Variants in ZNF609 observed in about 807,000 individuals in gnomAD.
The protein encoded by ZNF609 is zinc finger protein 609.
Under a neutral mutation model 109.5 loss-of-function variants are expected in ZNF609, and 11 were observed. The ratio of observed to expected loss-of-function variants is 0.10; its 90% confidence interval spans 0.06 to 0.17. The LOEUF (loss-of-function observed/expected upper bound fraction) is 0.17. ZNF609 is among the 10% of genes least tolerant of loss of function. The pLI is 1.00. For missense variants in ZNF609, 1,559 were observed against 1,772.4 expected, an observed-to-expected ratio of 0.88 and a Z score of 2.16; for synonymous variants, 646 against 662.0, an observed-to-expected ratio of 0.98 and a Z score of 0.37.
rs781265640 is a variant in ZNF609, at chr15:64,567,032, G to A, written c.748-55795G>A. Among the ~76,000 whole-genome samples the A allele has an allele frequency of 2.5e-4, 38 of 152,168 alleles. 1 individual carries two copies. Among genetic ancestry groups the A allele is most frequent in the Non-Finnish European group, 4.4e-4 (30 of 68,026 alleles). On this transcript the variant is annotated intron_variant, in intron 2 of 9. Coordinates refer to ENST00000326648, the MANE Select transcript of ZNF609 (RefSeq NM_015042.2). ...ATCAAAAACTCTGTAGAGTATATGA[G>A]TTTCGCCTATTAGGCAGTTATAAGG...
chr15:64,511,163 CAG>C (rs1893722162), intron 2 of ZNF609, among the ~76,000 whole-genome samples: 1 of 151,552 alleles, frequency 6.6e-6, no homozygotes, highest in Non-Finnish European at 1.5e-5. Flanking sequence ...TGAAAGACAA[CAG>C]AGTGTTGTAG....
intron 1 of ZNF609, chr15:64,470,485 C>T (rs1030215680): frequency 2.0e-5 from 3 of 152,058 alleles, no homozygotes; most frequent in African/African-American, 7.2e-5. Flanking sequence ...CAGGAACTTT[C>T]AGATTGAGAG....
chr15:64,530,804 A>G (rs1387881452), intron 2 of ZNF609, among the ~76,000 whole-genome samples: 1 of 152,216 alleles, frequency 6.6e-6, no homozygotes, highest in Non-Finnish European at 1.5e-5. Flanking sequence ...TGAGTTTTCT[A>G]TTAAAGTATA....
upstream of ZNF609, among the ~76,000 whole-genome samples, chr15:64,460,149 T>C (rs1892915522): frequency 6.6e-6 from 1 of 152,102 alleles, no homozygotes; most frequent in South Asian, 2.1e-4. Context: ...ATTGCTCTTC[T>C]GTTCTTTGTG....
chr15:64,472,245 G>A lies in ZNF609; in HGVS notation c.-128+11407G>A, dbSNP rs548048566. On this transcript the variant is annotated intron_variant, in intron 1 of 9. Coordinates refer to ENST00000326648, the MANE Select transcript of ZNF609 (RefSeq NM_015042.2). The stretch of plus-strand genomic sequence containing the variant: ...AGTTTTTATAGATGGTTTAAAAAAA[G>A]TGTGAAGTGCAGCATGGGGGTTGGA... Among the ~76,000 whole-genome samples the A allele has an allele frequency of 2.0e-5, 3 of 152,340 alleles. No homozygotes were observed. In the East Asian group the frequency reaches 5.8e-4, roughly 29 times the overall value.
At chr15:64,668,141 A>T (rs1382741026) in intron 3 of ZNF609, among the ~76,000 whole-genome samples, 1 of 152,220 alleles carries the variant, frequency 6.6e-6, no homozygotes, top group Non-Finnish European at 1.5e-5. Context: ...AGTAATAACA[A>T]AGACATTCCA....
rs368575061 is a variant in ZNF609, at chr15:64,675,949, G to A, written c.3095G>A (p.Arg1032Gln). The A allele has an allele frequency of 1.2e-5, 20 of 1,614,072 alleles. No individual in the cohort carries two copies. The African/African-American group carries it at 1.9e-4, about 15-fold the overall frequency. ...AAGGCAGAGATGGGCCTGAAGGAGC[G>A]GGAGGCAGCACTCAAGGAAGAGTGG... ...DKKAEMGLKE[R>Q]EAALKEEWKQ... Residue 1032 changes from arginine to glutamine, a missense_variant, in exon 5 of 10, where the codon CGG becomes CAG. Arg to Gln is a conservative substitution (Grantham distance 43). Around this residue, in one of 4 missense-constraint regions of ZNF609, gnomAD observed 1,204 missense variants for 1,314.1 expected, o/e 0.92. Transcript: ENST00000326648.
intron 3 of ZNF609, chr15:64,632,056 G>T (rs1896090046): frequency 6.6e-6 from 1 of 152,152 alleles, no homozygotes; most frequent in Non-Finnish European, 1.5e-5. Flanking sequence ...TTGAGACAGG[G>T]TCTTGTTCTT....
intron 3 of ZNF609, chr15:64,631,201 G>A: frequency 1.6e-6 from 1 of 623,330 alleles, no homozygotes; most frequent in South Asian, 1.4e-5. Flanking sequence ...AGAGGCTGCT[G>A]CTTCAGGTGA....
At chr15:64,627,819 C>T (rs1387188076) in intron 3 of ZNF609, among the ~76,000 whole-genome samples, 8 of 150,860 alleles carry the variant, frequency 5.3e-5, no homozygotes, top group Admixed American at 4.0e-4. Flanking sequence ...AGGCATGTGC[C>T]GCCGTACTCA....
chr15:64,603,025 G>A (rs1001444425), intron 2 of ZNF609, among the ~76,000 whole-genome samples: 7 of 150,330 alleles, frequency 4.7e-5, no homozygotes, highest in African/African-American at 1.7e-4. Flanking sequence ...GATTACAGGC[G>A]TGAGCTGCCG....
In ZNF609 at chr15:64,681,370, C is replaced by A. The variant is rs751899292; in HGVS notation, c.4224C>A (p.Pro1408=). Residue 1408 remains proline (P), a synonymous_variant, in exon 9 of 10, where the codon CCC becomes CCA. Coordinates refer to ENST00000326648, the MANE Select transcript of ZNF609 (RefSeq NM_015042.2). The part of the protein sequence containing the change: ...QQGSTPSLYP[P]PRR Reference sequence around the variant, plus strand: ...GCTCAACTCCCTCACTCTACCCACCCCCCAGGAGGTGAGAATGGTAAGTCA... The same window carrying A: ...GCTCAACTCCCTCACTCTACCCACCACCCAGGAGGTGAGAATGGTAAGTCA... 8.1e-6 allele frequency: 13 copies of A among 1,613,882 alleles called. No homozygotes were observed. In the Admixed American group the frequency reaches 1.5e-4, roughly 19 times the overall value.
intron 3 of ZNF609, among the ~76,000 whole-genome samples, chr15:64,633,924 A>T (rs1162839015): frequency 3.3e-5 from 5 of 151,988 alleles, no homozygotes; most frequent in Admixed American, 3.3e-4. Flanking sequence ...TACCAATCTC[A>T]TGCCTCGTAT....
rs115867722 is a variant in ZNF609, at chr15:64,597,811, T to C, written c.748-25016T>C. Among the ~76,000 whole-genome samples, 1,067 of 152,276 alleles carry C rather than the reference T, an allele frequency of 7.0e-3. 12 individuals are homozygous for C. Among genetic ancestry groups the C allele is most frequent in the African/African-American group, 0.019 (776 of 41,556 alleles). ...ATCCCCAGCTCACAGGACCACCCAG[T>C]GACCTGTGCAGTGGATCTTCTGACT... On this transcript the variant is annotated intron_variant, in intron 2 of 9. Coordinates refer to ENST00000326648, the MANE Select transcript of ZNF609 (RefSeq NM_015042.2).
At chr15:64,473,552 T>G (rs1269530274) in intron 1 of ZNF609, among the ~76,000 whole-genome samples, 5 of 151,814 alleles carry the variant, frequency 3.3e-5, no homozygotes, top group Admixed American at 1.3e-4. Context: ...TTCACCAAAT[T>G]ACGTATCTAA....
chr15:64,488,758 T>C (rs995930401), intron 1 of ZNF609, among the ~76,000 whole-genome samples: 4 of 152,144 alleles, frequency 2.6e-5, no homozygotes, highest in Admixed American at 1.3e-4. Flanking sequence ...AAATGTTTTT[T>C]CCTTTCCCTG....
At chr15:64,544,376 G>A (rs1188807554) in intron 2 of ZNF609, among the ~76,000 whole-genome samples, 2 of 152,138 alleles carry the variant, frequency 1.3e-5, no homozygotes, top group African/African-American at 2.4e-5. Flanking sequence ...ACTCATTTAA[G>A]TAATAATCGT....
intron 5 of ZNF609, among the ~76,000 whole-genome samples, chr15:64,676,556 G>A (rs1451228240): frequency 1.3e-5 from 2 of 150,992 alleles, no homozygotes; most frequent in African/African-American, 2.4e-5. Context: ...TCAGCCTCCC[G>A]AGTAGCTGAG....
Position 64,554,814 on chromosome 15 carries a change from C to T in ZNF609, c.747+54648C>T, listed in dbSNP as rs550696176. Among the ~76,000 whole-genome samples, 35 of 151,648 alleles carry T rather than the reference C, an allele frequency of 2.3e-4. No homozygotes were observed. The South Asian group carries it at 4.4e-3, about 19-fold the overall frequency. Reference sequence around the variant, plus strand: ...ATTTGCTAATCTTTAAAGAATTTTCCGGCCAGGTGTGGTGGCTCACACCTG... The same window carrying T: ...ATTTGCTAATCTTTAAAGAATTTTCTGGCCAGGTGTGGTGGCTCACACCTG... On this transcript the variant is annotated intron_variant, in intron 2 of 9. Coordinates refer to ENST00000326648, the MANE Select transcript of ZNF609 (RefSeq NM_015042.2).
Sources: gnomAD v4.1 joint callset for allele counts (sites outside exome capture counted in the v4.1 genomes callset) on GRCh38, gnomAD v4.1.1 for gene constraint, gnomAD v4.1.1 regional missense constraint, MANE v1.5 for transcripts, NCBI Gene and HGNC (gene_info 2026-07-23, HGNC 2026-07-21) for gene names.